Variants in PHLDB2 observed in about 807,000 individuals in gnomAD.
PHLDB2 encodes pleckstrin homology-like domain family B member 2.
In PHLDB2, 71 loss-of-function variants were observed where a neutral mutation model predicts 123.6. The observed-to-expected ratio is 0.57, with a 90% confidence interval of 0.47 to 0.70. PHLDB2 has a LOEUF of 0.70. Ranked by LOEUF, PHLDB2 falls within the 30% of genes least tolerant of loss-of-function variation. The pLI, the probability that PHLDB2 is intolerant of heterozygous loss-of-function variation, is 0.00. For synonymous variants in PHLDB2, 547 were observed against 541.6 expected (o/e 1.01, Z -0.14); for missense variants, 1,446 against 1,519.5 (o/e 0.95, Z 0.80).
At chr3:111,739,573 TAAAA>T (rs1231413646) in intron 1 of PHLDB2, among the ~76,000 whole-genome samples, 1 of 11,714 alleles carries the variant, frequency 8.5e-5, no homozygotes, top group Non-Finnish European at 2.5e-4. Flanking sequence ...CTTCTGAAGT[TAAAA>T]AAAAAAAAAA....
intron 5 of PHLDB2, among the ~76,000 whole-genome samples, chr3:111,925,140 A>C (rs2068745529): frequency 6.6e-6 from 1 of 152,184 alleles, no homozygotes; most frequent in Non-Finnish European, 1.5e-5. Flanking sequence ...TCAGCATTCA[A>C]ATCTTGATAT....
chr3:111,814,811 A>G (rs1338427212), intron 1 of PHLDB2, among the ~76,000 whole-genome samples: 1 of 152,030 alleles, frequency 6.6e-6, no homozygotes, highest in Non-Finnish European at 1.5e-5. Context: ...ATAACAACCC[A>G]CTCTCTCAGA....
At chr3:111,864,195 A>G (rs1259817534) in intron 1 of PHLDB2, among the ~76,000 whole-genome samples, 1 of 152,154 alleles carries the variant, frequency 6.6e-6, no homozygotes, top group East Asian at 1.9e-4. Context: ...CGCAGGTACT[A>G]TGCAAAAGGG....
rs768150602 is a variant in PHLDB2 at position 111,799,142 on chromosome 3, G to A, written c.-48-46679G>A. ...GAATAGCATGGGGGAAACCACCCCC[G>A]TGATTCCATTACTTCCCACTGGGTC... is the stretch of plus-strand genomic sequence containing the variant. On this transcript the variant is annotated intron_variant, in intron 1 of 17. Transcript: ENST00000393923. 4.6e-5 allele frequency among the ~76,000 whole-genome samples: 7 copies of A among 152,300 alleles called. No homozygotes were observed. The South Asian group carries it at 6.2e-4, about 14-fold the overall frequency.
At chr3:111,787,525 A>C (rs193018168) in intron 1 of PHLDB2, among the ~76,000 whole-genome samples, 149 of 152,238 alleles carry the variant, frequency 9.8e-4, no homozygotes, top group African/African-American at 2.7e-3. Flanking sequence ...CTGTGGCCTG[A>C]CACTTGCTAC....
chr3:111,826,207 G>A (rs1296897121), intron 1 of PHLDB2, among the ~76,000 whole-genome samples: 1 of 152,056 alleles, frequency 6.6e-6, no homozygotes, highest in Non-Finnish European at 1.5e-5. Flanking sequence ...TACTAGGGAG[G>A]CTGAGGCAGG....
At chr3:111,745,276 A>C (rs986164701) in intron 1 of PHLDB2, among the ~76,000 whole-genome samples, 1 of 152,252 alleles carries the variant, frequency 6.6e-6, no homozygotes, top group East Asian at 1.9e-4. Flanking sequence ...ACATAGGTGG[A>C]AATGTGAAAA....
At chr3:111,795,670 C>A (rs192206157) in intron 1 of PHLDB2, among the ~76,000 whole-genome samples, 244 of 152,344 alleles carry the variant, frequency 1.6e-3, no homozygotes, top group Admixed American at 3.5e-3. Flanking sequence ...TTTGGATAAT[C>A]ATTCAACATG....
intron 1 of PHLDB2, among the ~76,000 whole-genome samples, chr3:111,769,770 C>T (rs10451860): frequency 0.046 from 6,996 of 152,274 alleles, 545 homozygotes; most frequent in African/African-American, 0.16. Context: ...ACTCGTGTTT[C>T]GTTCCATCTC....
At chr3:111,786,829 T>C (rs1034090355) in intron 1 of PHLDB2, among the ~76,000 whole-genome samples, 2 of 152,164 alleles carry the variant, frequency 1.3e-5, no homozygotes, top group Non-Finnish European at 2.9e-5. Context: ...GTTTAATAAA[T>C]AGGTATAATA....
intron 1 of PHLDB2, among the ~76,000 whole-genome samples, chr3:111,781,852 G>A (rs1320286790): frequency 6.6e-6 from 1 of 152,014 alleles, no homozygotes. Flanking sequence ...TTCTCAAGTG[G>A]TTCCTATACT....
intron 9 of PHLDB2, 24 bp downstream of exon 9, chr3:111,945,381 C>CT: frequency 6.7e-7 from 1 of 1,482,794 alleles, no homozygotes; most frequent in Non-Finnish European, 9.4e-7. Flanking sequence ...TTACATGTCG[C>CT]TTTATGTTGC....
chr3:111,739,598 A>AAAAAAAAAAC (rs2059568470), intron 1 of PHLDB2, among the ~76,000 whole-genome samples: 1 of 73,062 alleles, frequency 1.4e-5, no homozygotes, highest in Non-Finnish European at 4.0e-5. Context: ...CAAAACAAAC[A>AAAAAAAAAAC]AAAAAAAAAA....
chr3:111,973,821 A>AAC lies in PHLDB2; in HGVS notation c.3621+6_3621+7dup, dbSNP rs1420707655. On this transcript the variant is annotated splice_donor_region_variant and intron_variant, in intron 17 of 17. Transcript: ENST00000431670. ...TCACCTCAAGAATGCTAATAAGGTAAACATCAGTTTTCTAAATTCCTACAA... is the reference window on the plus strand; with the variant it reads ...TCACCTCAAGAATGCTAATAAGGTAAACACATCAGTTTTCTAAATTCCTACAA... 1 of 1,539,178 alleles carries AAC rather than the reference A, an allele frequency of 6.5e-7. No individual in the cohort carries two copies. Among genetic ancestry groups the AAC allele is most frequent in the African/African-American group, 1.4e-5 (1 of 73,040 alleles).
At chr3:111,785,742 A>G (rs1042239432) in intron 1 of PHLDB2, among the ~76,000 whole-genome samples, 6 of 152,162 alleles carry the variant, frequency 3.9e-5, no homozygotes, top group Non-Finnish European at 7.4e-5. Flanking sequence ...TCATAATTCT[A>G]CTACTCTTCA....
At chr3:111,814,971 G>A (rs2062008680) in intron 1 of PHLDB2, among the ~76,000 whole-genome samples, 1 of 152,204 alleles carries the variant, frequency 6.6e-6, no homozygotes, top group Admixed American at 6.5e-5. Context: ...TTGAATTATG[G>A]GTGCGGGTGT....
In PHLDB2 at chr3:111,920,359, G is replaced by A. The variant is rs1481568562; in HGVS notation, c.1941G>A (p.Leu647=). 9 of 1,613,950 alleles carry A rather than the reference G, an allele frequency of 5.6e-6. No individual in the cohort carries two copies. The highest frequency in any genetic ancestry group is 7.6e-6 in the Non-Finnish European group (9 of 1,179,926). The change falls in exon 5 of 18, where the codon TTG becomes TTA. Residue 647 remains leucine, a synonymous_variant. Coordinates refer to ENST00000431670, the MANE Select transcript of PHLDB2 (RefSeq NM_001134438.2). The stretch of plus-strand genomic sequence containing the variant: ...AACTTATGAAGGAGAAGGAGATTTT[G>A]GATCATCTAAACCGGAAAATAGCTG... ...TTELMKEKEI[L]DHLNRKIAEL...
intron 1 of PHLDB2, among the ~76,000 whole-genome samples, chr3:111,789,077 A>G (rs1470173712): frequency 1.3e-5 from 2 of 152,202 alleles, no homozygotes; most frequent in Non-Finnish European, 2.9e-5. Flanking sequence ...CACACATCAA[A>G]TCCCTGAGTT....
intron 1 of PHLDB2, 75 bp from the exon 2 acceptor site, chr3:111,883,989 A>C: frequency 7.4e-7 from 1 of 1,358,004 alleles, no homozygotes. Flanking sequence ...TTGTTTGTTC[A>C]GATGTAGGCC....
Sources: allele counts gnomAD v4.1 joint callset (sites outside exome capture counted in the v4.1 genomes callset), GRCh38; gene constraint gnomAD v4.1.1; transcripts MANE v1.5; gene names NCBI Gene and HGNC (gene_info 2026-07-23, HGNC 2026-07-21).